Variants in CDC42BPG observed in about 807,000 individuals in gnomAD.
The protein encoded by CDC42BPG is CDC42 binding protein kinase gamma.
Under a neutral mutation model 192.2 loss-of-function variants are expected in CDC42BPG, and 157 were observed. The observed-to-expected ratio is 0.82, with a 90% confidence interval of 0.72 to 0.93. CDC42BPG has a LOEUF of 0.93. Ranked by LOEUF, CDC42BPG falls within the 40% of genes least tolerant of loss-of-function variation. The pLI is 0.00. For missense variants in CDC42BPG, 1,992 were observed against 2,122.1 expected (o/e 0.94, Z 1.20); for synonymous variants, 981 against 918.5 (o/e 1.07, Z -1.23).
At chr11:64,840,816 C>T (rs981943921) in intron 3 of CDC42BPG, among the ~76,000 whole-genome samples, 168 bp from the exon 4 acceptor site, 1 of 152,230 alleles carries the variant, frequency 6.6e-6, no homozygotes, top group Non-Finnish European at 1.5e-5. Context: ...CCACGCTCTA[C>T]AGCTCTGGGC....
At position 64,827,308 on chromosome 11, in the gene CDC42BPG, A is replaced by G. The variant is rs1942474767; in HGVS notation, c.4241T>C (p.Val1414Ala). ...TKSKRRFFFR[V>A]SEEQQKQQRR... ...CTGCTGCTTCTGCTGCTCCTCCGAC[A>G]CGCGGAAAAAGAAGCGGCGCTTGCT... The change falls in exon 33 of 37, where the codon GTG (valine) becomes GCG (alanine). Residue 1414 changes from valine to alanine, a missense_variant. Coordinates refer to ENST00000342711, the MANE Select transcript of CDC42BPG (RefSeq NM_017525.3). 1 of 1,613,752 alleles carries G rather than the reference A, an allele frequency of 6.2e-7. No homozygotes were observed. The highest frequency in any genetic ancestry group is 8.5e-7 in the Non-Finnish European group (1 of 1,179,924).
rs772213290 is a variant in CDC42BPG at position 64,830,248 on chromosome 11, G to A, written c.3313C>T (p.Arg1105Ter). 14 of 1,608,704 alleles carry A rather than the reference G, an allele frequency of 8.7e-6. No individual in the cohort carries two copies. The highest frequency in any genetic ancestry group is 1.1e-5 in the South Asian group (1 of 90,084). Residue 1105 changes from arginine (R) to a stop codon, truncating the protein, a stop_gained, in exon 29 of 37, where the codon CGA (arginine) becomes TGA (stop). Coordinates refer to ENST00000342711, the MANE Select transcript of CDC42BPG (RefSeq NM_017525.3). LOFTEE classifies it high-confidence loss of function. Reference sequence around the variant, plus strand: ...CCCTCCTCGGTGCCAAGCGCAAGTCGATCCTGGTCTGGTAGAGGGAGGCAG... The same window carrying A: ...CCCTCCTCGGTGCCAAGCGCAAGTCAATCCTGGTCTGGTAGAGGGAGGCAG... ...TLCAAILDQD[R>*]LALGTEEGLF... is the part of the protein sequence containing the mutation.
intron 28 of CDC42BPG, 86 bp from the exon 29 acceptor site, chr11:64,830,342 G>T: frequency 1.7e-6 from 2 of 1,153,566 alleles, no homozygotes; most frequent in Non-Finnish European, 2.5e-6. Context: ...TGCTGTGCCT[G>T]TTTATCTTGA....
intron 3 of CDC42BPG, 87 bp downstream of exon 3, chr11:64,841,561 GCC>G: frequency 1.1e-6 from 1 of 935,730 alleles, no homozygotes; most frequent in Non-Finnish European, 1.6e-6. Flanking sequence ...AGCCTTGCCC[GCC>G]CCCCCCGCGC....
At position 64,832,960 on chromosome 11, in the gene CDC42BPG, C is replaced by A; in HGVS notation, c.2732-1G>T. On this transcript the variant is annotated splice_acceptor_variant, in intron 24 of 36. Coordinates refer to ENST00000342711, the MANE Select transcript of CDC42BPG (RefSeq NM_017525.3). LOFTEE classifies it high-confidence loss of function. ...GTTGTGTGACAAAAGTAGCCGCAGG[C>A]TGTGGGGAAAGTGGAGAAGGTGGAT... is the stretch of plus-strand genomic sequence containing the variant. 4 of 1,526,556 alleles carry A rather than the reference C, an allele frequency of 2.6e-6. No individual in the cohort carries two copies. Among genetic ancestry groups the A allele is most frequent in the South Asian group, 1.3e-5 (1 of 79,954 alleles). The allele number at this position is 1,526,556 out of a possible 1,614,324, so 94.6% of individuals were successfully genotyped here.
chr11:64,836,912 C>T lies in CDC42BPG; in HGVS notation c.1303+10G>A, dbSNP rs779071364. On this transcript the variant is annotated intron_variant, in intron 10 of 36. Transcript: ENST00000342711. ...AGCACACCCAGGCCCGGCCCAGCCG[C>T]TCCCAGTACCTTGGTGCTTCCTGCT... 1 of 1,613,238 alleles carries T rather than the reference C, an allele frequency of 6.2e-7. No individual in the cohort carries two copies. Among genetic ancestry groups the T allele is most frequent in the South Asian group, 1.1e-5 (1 of 91,088 alleles).
chr11:64,834,710 G>T, intron 18 of CDC42BPG, 133 bp from the exon 19 acceptor site: 2 of 1,344,370 alleles, frequency 1.5e-6, no homozygotes, highest in Non-Finnish European at 2.0e-6. Context: ...ATGACCCACT[G>T]TGAGCTCAGG....
chr11:64,838,266 G>A, intron 8 of CDC42BPG, 104 bp from the exon 9 acceptor site: 1 of 802,400 alleles, frequency 1.2e-6, no homozygotes. Context: ...CTGCACAGGT[G>A]GGAACTCAGG....
At chr11:64,839,689 T>C (rs1175732715) in intron 5 of CDC42BPG, 118 bp from the exon 6 acceptor site, 3 of 771,690 alleles carry the variant, frequency 3.9e-6, no homozygotes, top group African/African-American at 1.7e-5. Context: ...CACATTCCTG[T>C]GTGTAGGTGC....
Position 64,833,306 on chromosome 11 carries a change from A to C in CDC42BPG, c.2656T>G (p.Phe886Val), listed in dbSNP as rs1249669758. The C allele has an allele frequency of 6.5e-7, 1 of 1,541,138 alleles. No individual in the cohort carries two copies. Among genetic ancestry groups the C allele is most frequent in the East Asian group, 2.5e-5 (1 of 40,686 alleles). The change falls in exon 24 of 37, where the codon TTC (phenylalanine) becomes GTC (valine). Residue 886 changes from phenylalanine (F) to valine (V), a missense_variant. Phe to Val is a conservative substitution (Grantham distance 50). Transcript: ENST00000342711. ...PGSHTLRPRS[F>V]PSPTKCLRCT... ...CGGAGACACTTGGTCGGGGATGGGA[A>C]GCTCCGGGGGCGCAGCGTGTGTGAG...
intron 30 of CDC42BPG, 52 bp from the exon 31 acceptor site, chr11:64,827,835 A>G (rs942642183): frequency 4.1e-6 from 6 of 1,452,274 alleles, no homozygotes; most frequent in African/African-American, 1.4e-5. Flanking sequence ...TTCCACAGGG[A>G]ACACCTTGTC....
chr11:64,836,719 G>GGGGGGGGGGGGGGGGA lies in CDC42BPG; in HGVS notation c.1384+19_1384+20insTCCCCCCCCCCCCCCC. 4 of 842,258 alleles carry GGGGGGGGGGGGGGGGA rather than the reference G, an allele frequency of 4.7e-6. No homozygotes were observed. Among genetic ancestry groups the GGGGGGGGGGGGGGGGA allele is most frequent in the South Asian group, 1.7e-5 (1 of 57,652 alleles). The allele number at this position is 842,258 out of a possible 1,614,324, so 52.2% of individuals were successfully genotyped here. The stretch of plus-strand genomic sequence containing the variant: ...GGGACTCAGCCCTGGGGGGGGGGGG[G>GGGGGGGGGGGGGGGGA]GGGTGGGCGGAAGGGATACCTGGCA... On this transcript the variant is annotated intron_variant, in intron 11 of 36. Transcript: ENST00000342711.
At position 64,840,197 on chromosome 11, in the gene CDC42BPG, C is replaced by A. The variant is rs753571016; in HGVS notation, c.504G>T (p.Pro168=). Residue 168 remains proline (P), a synonymous_variant, in exon 5 of 37, where the codon CCG becomes CCT. Coordinates refer to ENST00000342711, the MANE Select transcript of CDC42BPG (RefSeq NM_017525.3). The part of the protein sequence containing the change: ...TLLSRFEDRL[P]PELAQFYLAE... Reference sequence around the variant, plus strand: ...CCAGGTAGAACTGGGCCAGCTCGGGCGGGAGACGGTCCTCGAAGCGGCTCA... The same window carrying A: ...CCAGGTAGAACTGGGCCAGCTCGGGAGGGAGACGGTCCTCGAAGCGGCTCA... 3 of 1,613,200 alleles carry A rather than the reference C, an allele frequency of 1.9e-6. No homozygotes were observed. Among genetic ancestry groups the A allele is most frequent in the East Asian group, 4.5e-5 (2 of 44,884 alleles).
Position 64,826,757 on chromosome 11 carries a change from C to G in CDC42BPG, c.4427G>C (p.Gly1476Ala). ...EEKGRVARGS[G>A]PQRPHSFSEA... ...GGAGAAGCTGTGGGGCCGCTGTGGG[C>G]CGGAGCCGCGGGCAACTCGGCCCTT... Residue 1476 changes from glycine to alanine, a missense_variant, in exon 35 of 37, where the codon GGC becomes GCC. This residue lies in a region of CDC42BPG where 336 missense variants were observed against 277.9 expected (regional missense o/e 1.21). Transcript: ENST00000342711. 1 of 1,533,588 alleles carries G rather than the reference C, an allele frequency of 6.5e-7. No individual in the cohort carries two copies. The highest frequency in any genetic ancestry group is 8.8e-7 in the Non-Finnish European group (1 of 1,141,180). 95.0% of individuals were successfully genotyped at this position (1,533,588 alleles called of 1,614,324 possible).
Position 64,838,674 on chromosome 11 carries a change from C to T in CDC42BPG, c.1105G>A (p.Asp369Asn). 1 of 1,613,072 alleles carries T rather than the reference C, an allele frequency of 6.2e-7. No individual in the cohort carries two copies. The highest frequency in any genetic ancestry group is 8.5e-7 in the Non-Finnish European group (1 of 1,179,870). The change falls in exon 8 of 37, where the codon GAC becomes AAC. Residue 369 changes from aspartate (D) to asparagine (N), a missense_variant. Transcript: ENST00000342711. ...CTCACTGGATGGTTGAGGGTGTCGTCATCCACATCAAAGTTGGAGGTGTCC... is the reference window on the plus strand; with the variant it reads ...CTCACTGGATGGTTGAGGGTGTCGTTATCCACATCAAAGTTGGAGGTGTCC... The part of the protein sequence containing the change: ...PMDTSNFDVD[D>N]DTLNHPGTLP...
rs758597541 is a variant in CDC42BPG at position 64,840,300 on chromosome 11, G to A, written c.433-32C>T. ...GTGGCGGACAAGAATCAGACCCGGG[G>A]GAAGGGTGCACCTGGCCACTTCACC... On this transcript the variant is annotated intron_variant, in intron 4 of 36. Coordinates refer to ENST00000342711, the MANE Select transcript of CDC42BPG (RefSeq NM_017525.3). 4.4e-6 allele frequency: 7 copies of A among 1,601,784 alleles called. No homozygotes were observed. In the African/African-American group the frequency reaches 9.3e-5, roughly 21 times the overall value.
chr11:64,840,705 C>T lies in CDC42BPG; in HGVS notation c.337-57G>A. The T allele has an allele frequency of 1.0e-5, 15 of 1,479,362 alleles. 1 individual carries two copies. In the South Asian group the frequency reaches 1.7e-4, roughly 17 times the overall value. The allele number at this position is 1,479,362 out of a possible 1,614,324, so 91.6% of individuals were successfully genotyped here. A position where few individuals can be genotyped will look rare whatever the true frequency, so the allele number is the denominator to read the frequency against. On this transcript the variant is annotated intron_variant, in intron 3 of 36. Transcript: ENST00000342711. Reference sequence around the variant, plus strand: ...GTGGGATCAGAGCCCAGGATGCCCCCCTTGCCAGCTCAGGGGATGGAGAAA... The same window carrying T: ...GTGGGATCAGAGCCCAGGATGCCCCTCTTGCCAGCTCAGGGGATGGAGAAA...
intron 18 of CDC42BPG, 32 bp downstream of exon 18, chr11:64,834,817 A>G (rs377219532): frequency 1.3e-6 from 2 of 1,596,998 alleles, no homozygotes; most frequent in African/African-American, 2.7e-5. Context: ...GACTTGCCCA[A>G]GCCAGCCCCC....
intron 8 of CDC42BPG, among the ~76,000 whole-genome samples, chr11:64,838,436 G>A (rs941175936): frequency 6.6e-6 from 1 of 152,194 alleles, no homozygotes; most frequent in Non-Finnish European, 1.5e-5. Context: ...GCAAGCATGG[G>A]GAGCCTGTGG....
Sources: allele counts gnomAD v4.1 joint callset (sites outside exome capture counted in the v4.1 genomes callset), GRCh38; gene constraint gnomAD v4.1.1; regional missense constraint gnomAD v4.1.1; transcripts MANE v1.5; gene names NCBI Gene and HGNC (gene_info 2026-07-23, HGNC 2026-07-21).